The following UTY variants were observed in gnomAD, a reference collection of about 807,000 sequenced individuals.
The protein encoded by UTY is ubiquitously transcribed tetratricopeptide repeat containing, Y-linked.
A neutral mutation model predicts 32.5 loss-of-function variants in UTY; 12 were observed. The observed-to-expected ratio is 0.37, with a 90% confidence interval of 0.24 to 0.60. UTY has a LOEUF of 0.60. Ranked by LOEUF, UTY falls within the 20% of genes least tolerant of loss-of-function variation. The pLI is 0.69. For synonymous variants in UTY, 131 were observed against 103.4 expected (o/e 1.27, Z -1.62); for missense variants, 303 against 299.2 (o/e 1.01, Z -0.09).
downstream of UTY, chrY:13,234,546 T>C (rs1253023326): frequency 2.9e-4 from 39 of 135,257 alleles, no homozygotes; most frequent in Non-Finnish European, 4.9e-4. Context: ...TCTTCTCCTT[T>C]GGCAGGGAAG....
chrY:13,247,702 A>AAAAAAC (rs2053964343), downstream of UTY, among the ~76,000 whole-genome samples: 1 of 33,449 alleles, frequency 3.0e-5, no homozygotes, highest in African/African-American at 1.2e-4. Context: ...ATTCCATCTC[A>AAAAAAC]AAAAACAAAA....
chrY:13,402,774 TG>T (rs2069282052), intron 6 of UTY, among the ~76,000 whole-genome samples: 1 of 33,732 alleles, frequency 3.0e-5, no homozygotes, highest in Non-Finnish European at 7.4e-5. Context: ...GATAGCAGTT[TG>T]ATCAAAATGT....
intron 8 of UTY, among the ~76,000 whole-genome samples, chrY:13,371,263 AC>A (rs2064878599): frequency 3.0e-5 from 1 of 33,180 alleles, no homozygotes; most frequent in Non-Finnish European, 7.4e-5. Context: ...AAGCAATTAG[AC>A]AAGAAATAAA....
intron 8 of UTY, among the ~76,000 whole-genome samples, chrY:13,371,357 A>C (rs748182157): frequency 9.1e-4 from 28 of 30,798 alleles, no homozygotes; most frequent in Middle Eastern, 0.015. Flanking sequence ...ATACACAACC[A>C]CACACACACA....
intron 8 of UTY, among the ~76,000 whole-genome samples, chrY:13,386,955 C>A: frequency 3.0e-5 from 1 of 33,293 alleles, no homozygotes. Flanking sequence ...GCTAAGACTG[C>A]GCCACTGCCC....
chrY:13,460,363 T>C (rs2077240864), intron 3 of UTY, among the ~76,000 whole-genome samples: 2 of 33,478 alleles, frequency 6.0e-5, no homozygotes, highest in African/African-American at 1.2e-4. Context: ...AAAGGTGCCA[T>C]GTCATTTTTT....
intron 4 of UTY, among the ~76,000 whole-genome samples, chrY:13,417,206 T>C (rs2071799948): frequency 5.9e-5 from 2 of 33,996 alleles, no homozygotes; most frequent in Admixed American, 5.3e-4. Flanking sequence ...AATGCAACAC[T>C]GACGGATCCC....
chrY:13,287,558 G>A, intron 27 of UTY, among the ~76,000 whole-genome samples: 1 of 31,044 alleles, frequency 3.2e-5, no homozygotes, highest in Non-Finnish European at 7.8e-5. Flanking sequence ...AAAAAAATTT[G>A]ACACTTGTGC....
chrY:13,439,936 G>T (rs2075030454), intron 4 of UTY, among the ~76,000 whole-genome samples: 1 of 32,736 alleles, frequency 3.1e-5, no homozygotes, highest in Non-Finnish European at 7.5e-5. Flanking sequence ...CATATGGAAT[G>T]AGCCCTTTGT....
At chrY:13,426,146 G>GA (rs2149793962) in intron 4 of UTY, among the ~76,000 whole-genome samples, 1 of 27,963 alleles carries the variant, frequency 3.6e-5, no homozygotes, top group South Asian at 7.9e-4. Context: ...AACAAGCCAG[G>GA]AAAAAAAAAT....
chrY:13,259,219 G>A, intron 28 of UTY, among the ~76,000 whole-genome samples: 1 of 34,113 alleles, frequency 2.9e-5, no homozygotes, highest in Non-Finnish European at 7.3e-5. Context: ...TAATAAATAC[G>A]TGGGTAAATC....
intron 27 of UTY, among the ~76,000 whole-genome samples, chrY:13,283,745 C>T (rs968628820): frequency 3.0e-5 from 1 of 33,243 alleles, no homozygotes; most frequent in African/African-American, 1.2e-4. Context: ...GCAGCATAAG[C>T]GGCTGGCAGA....
chrY:13,253,122 C>T, intron 28 of UTY, among the ~76,000 whole-genome samples: 1 of 33,226 alleles, frequency 3.0e-5, no homozygotes, highest in East Asian at 7.9e-4. Flanking sequence ...GGAGGACACC[C>T]GAGTACTCTT....
At chrY:13,392,726 C>G in intron 8 of UTY, among the ~76,000 whole-genome samples, 10 of 33,665 alleles carry the variant, frequency 3.0e-4, no homozygotes, top group Admixed American at 1.9e-3. Flanking sequence ...ATACCAGCAT[C>G]TTTCCTGTCT....
chrY:13,311,066 C>T (rs1214341474), intron 21 of UTY, among the ~76,000 whole-genome samples: 1 of 28,531 alleles, frequency 3.5e-5, no homozygotes, highest in Non-Finnish European at 8.3e-5. Flanking sequence ...CTAGCCTGGG[C>T]GACAGAGTGA....
At chrY:13,395,078 T>G (rs771626845) in intron 7 of UTY, among the ~76,000 whole-genome samples, 1 of 33,598 alleles carries the variant, frequency 3.0e-5, no homozygotes, top group Non-Finnish European at 7.4e-5. Flanking sequence ...AAGTTATTGC[T>G]TTATAAAAAT....
At chrY:13,321,154 C>T (rs1603391195) in intron 21 of UTY, among the ~76,000 whole-genome samples, 1 of 33,417 alleles carries the variant, frequency 3.0e-5, no homozygotes, top group African/African-American at 1.2e-4. Context: ...AATAACTATT[C>T]TTGTGGCACT....
At chrY:13,239,999 C>T in intron 28 of UTY, among the ~76,000 whole-genome samples, 1 of 33,118 alleles carries the variant, frequency 3.0e-5, no homozygotes, top group South Asian at 6.7e-4. Context: ...TAGGAATACA[C>T]AAAATCAAAA....
upstream of UTY, chrY:13,480,640 C>G: frequency 5.3e-5 from 1 of 18,715 alleles, no homozygotes; most frequent in Non-Finnish European, 1.1e-4. Context: ...TTTATCAGTT[C>G]ATGATATTAT....
Sources: gnomAD v4.1 joint callset for allele counts (sites outside exome capture counted in the v4.1 genomes callset) on GRCh38, gnomAD v4.1.1 for gene constraint, MANE v1.5 for transcripts, NCBI Gene and HGNC (gene_info 2026-07-23, HGNC 2026-07-21) for gene names.